ARHGEF3: variants seen among roughly 807,000 people sequenced by gnomAD.
The protein encoded by ARHGEF3 is 59.8 kDA protein.
ARHGEF3 carries 28 observed loss-of-function variants against 63.2 expected under a neutral mutation model. The ratio of observed to expected loss-of-function variants is 0.44; its 90% CI spans 0.33 to 0.61. The LOEUF (loss-of-function observed/expected upper bound fraction) is 0.61. Ranked by LOEUF, ARHGEF3 falls within the 20% of genes least tolerant of loss-of-function variation. The probability of loss-of-function intolerance (pLI) is 0.03; values close to 1 mark genes in which losing one functional copy is unlikely to be tolerated. For missense variants in ARHGEF3, 533 were observed against 659.3 expected, an observed-to-expected ratio of 0.81 and a Z score of 2.10; for synonymous variants, 266 against 254.2, an observed-to-expected ratio of 1.05 and a Z score of -0.44.
At position 56,870,818 on chromosome 3, in the gene ARHGEF3, G is replaced by T. The variant is rs894340668; in HGVS notation, c.192+11474C>A. ...AAAGTAAAGTCTACCCTATATAGAA[G>T]AAAAAGACAAGGCATTCCTCCTTTT... On this transcript the variant is annotated intron_variant, in intron 4 of 12. Coordinates refer to the ARHGEF3 transcript ENST00000338458. Among the ~76,000 whole-genome samples, 11 of 103,936 alleles carry T rather than the reference G, an allele frequency of 1.1e-4. No homozygotes were observed. In the East Asian group the frequency reaches 2.3e-3, roughly 22 times the overall value. The allele number at this position is 103,936 out of a possible 152,430, so 68.2% of individuals were successfully genotyped here. A position where few individuals can be genotyped will look rare whatever the true frequency, so the allele number is the denominator to read the frequency against.
chr3:57,042,277 C>A (rs1166078370), intron 1 of ARHGEF3, among the ~76,000 whole-genome samples: 2 of 152,046 alleles, frequency 1.3e-5, no homozygotes, highest in Non-Finnish European at 2.9e-5. Context: ...GTAGAATATG[C>A]AACAGCTAAA....
chr3:56,947,686 T>C (rs1328784486), intron 3 of ARHGEF3, among the ~76,000 whole-genome samples: 1 of 152,044 alleles, frequency 6.6e-6, no homozygotes, highest in East Asian at 1.9e-4. Context: ...ATGGGAGACT[T>C]TAACACCCCA....
intron 4 of ARHGEF3, among the ~76,000 whole-genome samples, chr3:56,831,877 C>A (rs2038944050): frequency 6.6e-6 from 1 of 152,208 alleles, no homozygotes; most frequent in Admixed American, 6.5e-5. Flanking sequence ...TTTGGGTGAA[C>A]TTGGTGGCAG....
intron 4 of ARHGEF3, among the ~76,000 whole-genome samples, chr3:56,849,177 T>G (rs1249672435): frequency 1.3e-5 from 2 of 152,210 alleles, no homozygotes; most frequent in Non-Finnish European, 2.9e-5. Context: ...TTCTGTATGT[T>G]CCTGGGGATT....
At chr3:56,781,990 A>T (rs1342344322) in intron 1 of ARHGEF3, among the ~76,000 whole-genome samples, 1 of 152,194 alleles carries the variant, frequency 6.6e-6, no homozygotes, top group Non-Finnish European at 1.5e-5. Flanking sequence ...GCACATATGC[A>T]GCACTGAGGA....
At position 56,745,061 on chromosome 3, in the gene ARHGEF3, A is replaced by G. The variant is rs543849278; in HGVS notation, c.870+144T>C. ...GAGAAGTGACTTGCAAAATCAAAAC[A>G]TGGTTGATGGCAGTGCCAGGCCTGG... On this transcript the variant is annotated intron_variant, in intron 7 of 9. Coordinates refer to ENST00000296315, the MANE Select transcript of ARHGEF3 (RefSeq NM_019555.3). The G allele has an allele frequency of 1.9e-5, 20 of 1,066,954 alleles. No homozygotes were observed. In the African/African-American group the frequency reaches 3.2e-4, roughly 17 times the overall value. 66.1% of individuals were successfully genotyped at this position (1,066,954 alleles called of 1,614,324 possible).
intron 3 of ARHGEF3, among the ~76,000 whole-genome samples, chr3:56,942,825 TA>T (rs997915470): frequency 6.6e-6 from 1 of 152,136 alleles, no homozygotes. Flanking sequence ...TTATCGCTAA[TA>T]GGGGGAAAGT....
At chr3:56,885,788 T>C (rs1440428666) in intron 3 of ARHGEF3, among the ~76,000 whole-genome samples, 3 of 152,244 alleles carry the variant, frequency 2.0e-5, no homozygotes, top group African/African-American at 7.2e-5. Flanking sequence ...GGAACCCACA[T>C]GTTTTATAAA....
chr3:56,966,691 G>C (rs1034094788), intron 2 of ARHGEF3, among the ~76,000 whole-genome samples: 2 of 152,006 alleles, frequency 1.3e-5, no homozygotes, highest in Non-Finnish European at 2.9e-5. Flanking sequence ...CAGGGGTTCA[G>C]AGTGAAAGCA....
At chr3:56,967,559 TAATA>T (rs1195125581) in intron 2 of ARHGEF3, among the ~76,000 whole-genome samples, 1 of 91,732 alleles carries the variant, frequency 1.1e-5, no homozygotes, top group East Asian at 3.1e-4. Flanking sequence ...GTACATTATA[TAATA>T]TATAATATAT....
chr3:56,733,046 G>A (rs2033295710), intron 8 of ARHGEF3, among the ~76,000 whole-genome samples: 1 of 152,088 alleles, frequency 6.6e-6, no homozygotes, highest in Non-Finnish European at 1.5e-5. Context: ...CACTTTGGGA[G>A]GCTGAGGCGG....
At chr3:56,735,511 A>G (rs898013980) in intron 8 of ARHGEF3, among the ~76,000 whole-genome samples, 3 of 152,328 alleles carry the variant, frequency 2.0e-5, no homozygotes, top group Admixed American at 6.5e-5. Flanking sequence ...AATAAAAACT[A>G]GAGTTTATCT....
chr3:56,788,802 C>T (rs988132562), intron 1 of ARHGEF3, among the ~76,000 whole-genome samples: 2 of 151,966 alleles, frequency 1.3e-5, no homozygotes, highest in Non-Finnish European at 2.9e-5. Flanking sequence ...CTGGGAACAA[C>T]CAGAAAGCCA....
chr3:57,057,546 C>T (rs1704997878), intron 1 of ARHGEF3, among the ~76,000 whole-genome samples: 1 of 152,086 alleles, frequency 6.6e-6, no homozygotes, highest in South Asian at 2.1e-4. Context: ...GAGTCTGAGC[C>T]GGTCTTAGCC....
intron 4 of ARHGEF3, among the ~76,000 whole-genome samples, chr3:56,752,304 T>C (rs1033656143): frequency 6.6e-6 from 1 of 152,200 alleles, no homozygotes; most frequent in Admixed American, 6.5e-5. Flanking sequence ...GTGATCCTTC[T>C]GCCTCAGCTT....
intron 1 of ARHGEF3, among the ~76,000 whole-genome samples, chr3:57,077,335 C>T (rs1463489815): frequency 1.3e-5 from 2 of 152,162 alleles, no homozygotes; most frequent in East Asian, 3.9e-4. Context: ...AGAACCTCCA[C>T]TTTCCTACCA....
intron 1 of ARHGEF3, among the ~76,000 whole-genome samples, chr3:56,786,454 G>A (rs1345104570): frequency 6.6e-6 from 1 of 152,120 alleles, no homozygotes; most frequent in Non-Finnish European, 1.5e-5. Context: ...TCTTTGGGAG[G>A]GGTGTATGTG....
chr3:56,800,072 T>C (rs2037565657), intron 1 of ARHGEF3, among the ~76,000 whole-genome samples: 1 of 152,250 alleles, frequency 6.6e-6, no homozygotes, highest in Non-Finnish European at 1.5e-5. Context: ...GACATATCTA[T>C]ATTCTATGTA....
At chr3:57,074,130 A>C in intron 1 of ARHGEF3, 1 of 1,614,038 alleles carries the variant, frequency 6.2e-7, no homozygotes, top group Non-Finnish European at 8.5e-7. Flanking sequence ...ATGGTTGTGG[A>C]GACTGTGTGA....
Sources: gnomAD v4.1 joint callset for allele counts (sites outside exome capture counted in the v4.1 genomes callset) on GRCh38, gnomAD v4.1.1 for gene constraint, MANE v1.5 for transcripts, NCBI Gene and HGNC (gene_info 2026-07-23, HGNC 2026-07-21) for gene names.